The following CACNA1C variants were observed in gnomAD, a reference collection of about 807,000 sequenced individuals.
CACNA1C encodes the protein calcium voltage-gated channel subunit alpha1 C, also known as voltage-dependent L-type calcium channel subunit alpha-1C.
Under a neutral mutation model 229.0 loss-of-function variants are expected in CACNA1C, and 30 were observed. The observed-to-expected ratio is 0.13, with a 90% CI of 0.10 to 0.18. The LOEUF is 0.18. CACNA1C is among the 10% of genes least tolerant of loss of function. The probability of loss-of-function intolerance (pLI) is 1.00; values close to 1 mark genes in which losing one functional copy is unlikely to be tolerated. For missense variants in CACNA1C, 1,658 were observed against 2,845.0 expected (o/e 0.58, Z 9.49); for synonymous variants, 1,114 against 1,132.5 (o/e 0.98, Z 0.33).
intron 3 of CACNA1C, among the ~76,000 whole-genome samples, chr12:2,200,040 A>G (rs1054176244): frequency 1.1e-4 from 17 of 152,212 alleles, no homozygotes; most frequent in African/African-American, 3.6e-4. Context: ...GCCTCCCACC[A>G]GAATGTTCTC....
intron 3 of CACNA1C, among the ~76,000 whole-genome samples, chr12:2,315,255 G>A (rs540678640): frequency 1.3e-5 from 2 of 152,310 alleles, no homozygotes; most frequent in Non-Finnish European, 2.9e-5. Context: ...CAGAGGGTTT[G>A]GGGAAGCACA....
At chr12:2,238,357 G>A (rs368615956) in intron 3 of CACNA1C, among the ~76,000 whole-genome samples, 31 of 152,304 alleles carry the variant, frequency 2.0e-4, no homozygotes, top group African/African-American at 7.5e-4. Context: ...AAGAACTGAA[G>A]TGTGGCCAAA....
intron 3 of CACNA1C, among the ~76,000 whole-genome samples, chr12:2,356,961 G>T (rs1330594091): frequency 6.6e-6 from 1 of 152,176 alleles, no homozygotes; most frequent in Non-Finnish European, 1.5e-5. Context: ...CTAGAGTGCT[G>T]CAGCATCCTT....
chr12:2,153,384 C>G (rs2095391218), intron 3 of CACNA1C, among the ~76,000 whole-genome samples: 1 of 152,108 alleles, frequency 6.6e-6, no homozygotes, highest in Admixed American at 6.5e-5. Flanking sequence ...TACATTCATA[C>G]TGTTGTGCAA....
chr12:2,355,205 G>A, intron 3 of CACNA1C, among the ~76,000 whole-genome samples: 1 of 152,214 alleles, frequency 6.6e-6, no homozygotes, highest in South Asian at 2.1e-4. Context: ...TTAAGACCAA[G>A]AGTGGATTAA....
chr12:2,119,273 C>T (rs1205173562), intron 2 of CACNA1C, among the ~76,000 whole-genome samples: 1 of 151,970 alleles, frequency 6.6e-6, no homozygotes, highest in African/African-American at 2.4e-5. Context: ...GGTCCCTTCA[C>T]CCCGGATCTC....
intron 9 of CACNA1C, among the ~76,000 whole-genome samples, chr12:2,541,680 G>A (rs1319282766): frequency 6.6e-6 from 1 of 152,202 alleles, no homozygotes; most frequent in African/African-American, 2.4e-5. Flanking sequence ...TCTGGCCTTG[G>A]ATAACGAGCT....
chr12:2,335,913 G>A (rs574943159), intron 3 of CACNA1C, among the ~76,000 whole-genome samples: 9 of 151,760 alleles, frequency 5.9e-5, no homozygotes, highest in Admixed American at 2.0e-4. Context: ...AAAAATCAAG[G>A]CTGATCCTAA....
intron 3 of CACNA1C, among the ~76,000 whole-genome samples, chr12:2,416,353 G>A (rs934678402): frequency 1.3e-5 from 2 of 152,070 alleles, no homozygotes; most frequent in Non-Finnish European, 2.9e-5. Flanking sequence ...AGAATGGAAG[G>A]AGTGGTGGAA....
At chr12:2,010,403 G>T (rs1209124224) in intron 1 of CACNA1C, among the ~76,000 whole-genome samples, 1 of 152,136 alleles carries the variant, frequency 6.6e-6, no homozygotes, top group Admixed American at 6.6e-5. Flanking sequence ...TCTACCAGGG[G>T]GGGCTTTTGC....
chr12:2,406,604 G>A (rs989157807), intron 3 of CACNA1C, among the ~76,000 whole-genome samples: 4 of 151,994 alleles, frequency 2.6e-5, no homozygotes, highest in Non-Finnish European at 5.9e-5. Flanking sequence ...TGTTCATTTA[G>A]CCTTCTTTAT....
intron 3 of CACNA1C, among the ~76,000 whole-genome samples, chr12:2,272,818 C>T (rs1262453732): frequency 6.6e-6 from 1 of 152,206 alleles, no homozygotes; most frequent in African/African-American, 2.4e-5. Flanking sequence ...TACATTTATC[C>T]GTTCTATTGG....
intron 9 of CACNA1C, among the ~76,000 whole-genome samples, chr12:2,517,514 A>G (rs570146329): frequency 5.3e-5 from 8 of 152,376 alleles, no homozygotes; most frequent in Non-Finnish European, 1.2e-4. Context: ...AAGGCAAAAA[A>G]GGGGCAAGAA....
At position 2,690,890 on chromosome 12, in the gene CACNA1C, G is replaced by T. The variant is rs1307865315; in HGVS notation, c.6118-10G>T. ...TTTGGTTCTTCATGGCTCCCACCCC[G>T]CTCCTTCAGGTCTTGATTTCAGAAG... On this transcript the variant is annotated splice_polypyrimidine_tract_variant and intron_variant, in intron 46 of 46. Transcript: ENST00000399655. 1 of 1,549,324 alleles carries T rather than the reference G, an allele frequency of 6.5e-7. No individual in the cohort carries two copies. Among genetic ancestry groups the T allele is most frequent in the East Asian group, 2.4e-5 (1 of 42,176 alleles).
In CACNA1C at chr12:2,283,381, G is replaced by A. The variant is rs139407637; in HGVS notation, c.477+162951G>A. ...TCACAGAATTCTACTGAAAATGCAG[G>A]GTATGGAAGCATCTGAAGTCACAAG... On this transcript the variant is annotated intron_variant, in intron 3 of 46. Transcript: ENST00000399655. Among the ~76,000 whole-genome samples the A allele has an allele frequency of 3.9e-5, 6 of 152,204 alleles. No individual in the cohort carries two copies. The East Asian group carries it at 1.2e-3, about 29-fold the overall frequency.
At chr12:2,387,358 G>A (rs376564124) in intron 3 of CACNA1C, among the ~76,000 whole-genome samples, 13 of 152,062 alleles carry the variant, frequency 8.5e-5, no homozygotes, top group Admixed American at 3.3e-4. Flanking sequence ...GGTGGCAGGC[G>A]CCTGTAATCC....
intron 1 of CACNA1C, among the ~76,000 whole-genome samples, chr12:2,110,573 C>T (rs541108495): frequency 1.3e-5 from 2 of 152,268 alleles, no homozygotes; most frequent in South Asian, 2.1e-4. Flanking sequence ...TAACAAAAGC[C>T]GTCAGGGACA....
At chr12:2,567,493 T>C in intron 12 of CACNA1C, 76 bp from the exon 13 acceptor site, 3 of 851,378 alleles carry the variant, frequency 3.5e-6, no homozygotes, top group Non-Finnish European at 5.5e-6. Flanking sequence ...AGATAATTAC[T>C]GTATTTCCTT....
rs2099639623 is a variant in CACNA1C, at chr12:2,478,025, C to G, written c.758-8079C>G. Among the ~76,000 whole-genome samples, 3 of 151,950 alleles carry G rather than the reference C, an allele frequency of 2.0e-5. No homozygotes were observed. In the South Asian group the frequency reaches 6.2e-4, roughly 32 times the overall value. ...CATGTACTTAGTGGTGACTATTGGA[C>G]TCTTAGGAAGGAGTGAAGTGCATGA... On this transcript the variant is annotated intron_variant, in intron 5 of 46. Coordinates refer to ENST00000399655, the MANE Select transcript of CACNA1C (RefSeq NM_000719.7).
Sources: gnomAD v4.1 joint callset for allele counts (sites outside exome capture counted in the v4.1 genomes callset) on GRCh38, gnomAD v4.1.1 for gene constraint, MANE v1.5 for transcripts, NCBI Gene and HGNC (gene_info 2026-07-23, HGNC 2026-07-21) for gene names.